TNRC6B: variants seen among roughly 807,000 people sequenced by gnomAD.
TNRC6B encodes trinucleotide repeat-containing gene 6B protein.
Under a neutral mutation model 203.6 loss-of-function variants are expected in TNRC6B, and 52 were observed. The ratio of observed to expected loss-of-function variants is 0.26; its 90% CI spans 0.20 to 0.32. The LOEUF (loss-of-function observed/expected upper bound fraction) is 0.32, where lower values mean the gene tolerates loss of function less well. Among genes scored for constraint, TNRC6B ranks in the 10% least tolerant of loss-of-function variants. The probability of loss-of-function intolerance (pLI) is 1.00; values close to 1 mark genes in which losing one functional copy is unlikely to be tolerated. For missense variants in TNRC6B, 1,923 were observed against 2,286.2 expected (o/e 0.84, Z 3.24); for synonymous variants, 838 against 845.7 (o/e 0.99, Z 0.16).
chr22:40,121,754 C>G (rs1823912990), intron 2 of TNRC6B, among the ~76,000 whole-genome samples: 1 of 152,252 alleles, frequency 6.6e-6, no homozygotes, highest in African/African-American at 2.4e-5. Flanking sequence ...GCCCCCAACC[C>G]TTTGCTAAGG....
rs2068489591 is a variant in TNRC6B at position 40,125,988 on chromosome 22, T to A, written c.45+126T>A. The A allele has an allele frequency of 6.5e-6, 6 of 922,576 alleles. No individual in the cohort carries two copies. In the East Asian group the frequency reaches 1.7e-4, roughly 27 times the overall value. The allele number at this position is 922,576 out of a possible 1,614,324, so 57.1% of individuals were successfully genotyped here. A position where few individuals can be genotyped will look rare whatever the true frequency, so the allele number is the denominator to read the frequency against. On this transcript the variant is annotated intron_variant, in intron 3 of 23. Coordinates refer to the TNRC6B transcript ENST00000301923. ...GATTGAGTTAAATTAGAACCTAACA[T>A]AAGATTGAGAAATATTTTTTCTTTT... is the stretch of plus-strand genomic sequence containing the variant.
At chr22:40,067,952 G>A (rs959754153) in intron 1 of TNRC6B, among the ~76,000 whole-genome samples, 1 of 152,118 alleles carries the variant, frequency 6.6e-6, no homozygotes, top group Admixed American at 6.5e-5. Flanking sequence ...CAGTGGATAT[G>A]TTATGTCATT....
At chr22:40,146,561 ATTT>A (rs59901929) in intron 3 of TNRC6B, among the ~76,000 whole-genome samples, 20,836 of 108,994 alleles carry the variant, frequency 0.19, 4,354 homozygotes, top group African/African-American at 0.58. Context: ...CGCCCGGCTA[ATTT>A]TTTTTTTTTT....
At chr22:40,247,186 G>A (rs1349662587) in intron 2 of TNRC6B, among the ~76,000 whole-genome samples, 1 of 152,100 alleles carries the variant, frequency 6.6e-6, no homozygotes, top group African/African-American at 2.4e-5. Context: ...TGGAGGTAAG[G>A]TGATTTTCTG....
At chr22:40,175,604 T>G (rs532050550), upstream of TNRC6B, among the ~76,000 whole-genome samples, 3 of 152,222 alleles carry the variant, frequency 2.0e-5, no homozygotes, top group Non-Finnish European at 2.9e-5. Flanking sequence ...TCTCCACACA[T>G]TTTTACAAAT....
At chr22:40,090,281 G>A (rs553632945) in intron 1 of TNRC6B, among the ~76,000 whole-genome samples, 52 of 152,204 alleles carry the variant, frequency 3.4e-4, no homozygotes, top group Admixed American at 6.5e-4. Flanking sequence ...GTGGCCATAC[G>A]GTTTTGCATT....
At chr22:40,213,557 C>G (rs541393586) in intron 1 of TNRC6B, among the ~76,000 whole-genome samples, 13 of 152,304 alleles carry the variant, frequency 8.5e-5, no homozygotes, top group African/African-American at 2.6e-4. Context: ...CAAGAAAGAT[C>G]ACTCTGGCTG....
intron 1 of TNRC6B, among the ~76,000 whole-genome samples, chr22:40,213,427 G>A (rs1356287005): frequency 2.0e-5 from 3 of 152,236 alleles, no homozygotes; most frequent in Non-Finnish European, 2.9e-5. Flanking sequence ...TGAAGGGGCT[G>A]GAGAACAAGT....
At chr22:40,318,865 G>A (rs2071295897) in intron 21 of TNRC6B, among the ~76,000 whole-genome samples, 1 of 151,960 alleles carries the variant, frequency 6.6e-6, no homozygotes, top group Non-Finnish European at 1.5e-5. Context: ...GAGGTCAGGA[G>A]TTCCAGACCA....
In TNRC6B at chr22:40,204,858, G is replaced by T. The variant is rs533226634; in HGVS notation, c.5+26718G>T. On this transcript the variant is annotated intron_variant, in intron 1 of 22. Transcript: ENST00000454349. ...GTGATACCAACAGTTCACTAAAATGGGCATAGGAAAAATGTAGTTGGTTTC... is the reference window on the plus strand; with the variant it reads ...GTGATACCAACAGTTCACTAAAATGTGCATAGGAAAAATGTAGTTGGTTTC... 2.6e-5 allele frequency among the ~76,000 whole-genome samples: 4 copies of T among 152,254 alleles called. No homozygotes were observed. In the South Asian group the frequency reaches 8.3e-4, roughly 32 times the overall value.
chr22:40,145,656 A>T (rs1395021552), intron 3 of TNRC6B, among the ~76,000 whole-genome samples: 1 of 152,160 alleles, frequency 6.6e-6, no homozygotes, highest in South Asian at 2.1e-4. Context: ...ATCCTGGCCA[A>T]CACGGTGAAA....
At chr22:40,195,494 G>C (rs2069325406) in intron 1 of TNRC6B, among the ~76,000 whole-genome samples, 1 of 152,038 alleles carries the variant, frequency 6.6e-6, no homozygotes, top group Admixed American at 6.6e-5. Flanking sequence ...ACAGGGCTTT[G>C]CTCTGTCACC....
At position 40,197,541 on chromosome 22, in the gene TNRC6B, C is replaced by T. The variant is rs150005262; in HGVS notation, c.5+19401C>T. On this transcript the variant is annotated intron_variant, in intron 1 of 22. Transcript: ENST00000454349. ...TGACCTCATGATCTACCCCCCTCGG[C>T]CTCCCAAAGTGCTGAGATTACAAGC... is the stretch of plus-strand genomic sequence containing the variant. Among the ~76,000 whole-genome samples, 306 of 152,012 alleles carry T rather than the reference C, an allele frequency of 2.0e-3. 1 individual carries two copies. Among genetic ancestry groups the T allele is most frequent in the African/African-American group, 7.2e-3 (299 of 41,508 alleles).
intron 1 of TNRC6B, among the ~76,000 whole-genome samples, chr22:40,100,048 G>A (rs2146303932): frequency 6.7e-6 from 1 of 149,404 alleles, no homozygotes; most frequent in East Asian, 2.0e-4. Context: ...ACTGCGCCTG[G>A]CCCCTCCATT....
intron 10 of TNRC6B, among the ~76,000 whole-genome samples, chr22:40,280,491 A>G (rs948069260): frequency 9.2e-5 from 14 of 152,368 alleles, no homozygotes; most frequent in Admixed American, 5.2e-4. Flanking sequence ...CATGTCTCCT[A>G]AGGCCTTGCC....
At chr22:40,165,089 C>T (rs1459346475) in intron 4 of TNRC6B, among the ~76,000 whole-genome samples, 7 of 149,822 alleles carry the variant, frequency 4.7e-5, no homozygotes, top group Non-Finnish European at 7.4e-5. Context: ...CCCCTCCCCC[C>T]GGCTCTTTTT....
chr22:40,106,359 T>A (rs531109463), intron 1 of TNRC6B: 3 of 1,206,098 alleles, frequency 2.5e-6, no homozygotes, highest in African/African-American at 1.5e-5. Context: ...CTGGTCCTTC[T>A]TGTTGCCAGC....
At chr22:40,311,018 C>T in intron 17 of TNRC6B, 25 bp downstream of exon 17, 4 of 1,588,526 alleles carry the variant, frequency 2.5e-6, no homozygotes, top group Non-Finnish European at 3.4e-6. Context: ...ATGCTTTTCC[C>T]AGGATAGCAT....
intron 1 of TNRC6B, among the ~76,000 whole-genome samples, chr22:40,050,106 T>G (rs1236629369): frequency 3.3e-5 from 5 of 152,060 alleles, no homozygotes; most frequent in Non-Finnish European, 7.3e-5. Flanking sequence ...TAATAAACTC[T>G]GTTATTTCAA....
Sources: gnomAD v4.1 joint callset for allele counts (sites outside exome capture counted in the v4.1 genomes callset) on GRCh38, gnomAD v4.1.1 for gene constraint, MANE v1.5 for transcripts, NCBI Gene and HGNC (gene_info 2026-07-23, HGNC 2026-07-21) for gene names.